SLTM: variants seen among roughly 807,000 people sequenced by gnomAD.
The protein encoded by SLTM is SAFB-like transcription modulator.
SLTM carries 43 observed loss-of-function variants against 134.6 expected under a neutral mutation model. That is an observed-to-expected ratio of 0.32 (90% CI 0.25 to 0.41). SLTM has a LOEUF of 0.41. Ranked by LOEUF, SLTM falls within the 10% of genes least tolerant of loss-of-function variation. SLTM has a pLI of 1.00. For missense variants in SLTM, 1,055 were observed against 1,288.8 expected, an observed-to-expected ratio of 0.82 and a Z score of 2.78; for synonymous variants, 424 against 432.3, an observed-to-expected ratio of 0.98 and a Z score of 0.24.
intron 19 of SLTM, among the ~76,000 whole-genome samples, chr15:58,886,215 AAGAGTGTGT>A (rs1412738452): frequency 7.3e-6 from 1 of 136,936 alleles, no homozygotes; most frequent in Non-Finnish European, 1.5e-5. Flanking sequence ...GGAGAAAAAG[AAGAGTGTGT>A]GTGTGTGTGT....
At chr15:58,889,663 G>T in intron 15 of SLTM, 109 bp from the exon 16 acceptor site, 1 of 1,405,644 alleles carries the variant, frequency 7.1e-7, no homozygotes, top group Non-Finnish European at 9.6e-7. Context: ...CATAAGCAAA[G>T]ACCAGGCAAA....
At chr15:58,912,285 G>C (rs186355281) in intron 5 of SLTM, among the ~76,000 whole-genome samples, 1 of 152,084 alleles carries the variant, frequency 6.6e-6, no homozygotes, top group East Asian at 1.9e-4. Context: ...ATTTTCAGTA[G>C]AGACGGGGTT....
intron 7 of SLTM, 23 bp from the exon 8 acceptor site, chr15:58,898,875 G>C: frequency 6.3e-7 from 1 of 1,590,678 alleles, no homozygotes; most frequent in Non-Finnish European, 8.6e-7. Context: ...ATCACCAGAA[G>C]AAAATTGAAA....
At chr15:58,918,035 C>T (rs2036768161) in intron 2 of SLTM, among the ~76,000 whole-genome samples, 1 of 151,448 alleles carries the variant, frequency 6.6e-6, no homozygotes, top group African/African-American at 2.4e-5. Flanking sequence ...ATTACAGGCA[C>T]TGAGCCATTG....
chr15:58,892,608 T>A (rs1198886387), intron 14 of SLTM, among the ~76,000 whole-genome samples: 1 of 152,164 alleles, frequency 6.6e-6, no homozygotes, highest in Non-Finnish European at 1.5e-5. Context: ...TTGTTAGCCA[T>A]GTGGCCATTG....
At chr15:58,893,477 AACT>A in intron 12 of SLTM, 113 bp from the exon 13 acceptor site, 1 of 722,018 alleles carries the variant, frequency 1.4e-6, no homozygotes, top group Non-Finnish European at 2.2e-6. Flanking sequence ...GAAATAAAAA[AACT>A]ACTTATTCTA....
chr15:58,896,972 C>A, intron 9 of SLTM, 143 bp downstream of exon 9: 1 of 560,446 alleles, frequency 1.8e-6, no homozygotes. Flanking sequence ...TCTACCATTA[C>A]CACAGAACTC....
chr15:58,912,242 GGTGCCC>G (rs1456512106), intron 5 of SLTM, among the ~76,000 whole-genome samples: 1 of 151,874 alleles, frequency 6.6e-6, no homozygotes, highest in African/African-American at 2.4e-5. Context: ...TGTGATTACA[GGTGCCC>G]GCCACCACGC....
In SLTM at chr15:58,889,439, A is replaced by G. The variant is rs1410796741; in HGVS notation, c.2195T>C (p.Val732Ala). The G allele has an allele frequency of 6.2e-7, 1 of 1,613,846 alleles. No homozygotes were observed. The highest frequency in any genetic ancestry group is 8.5e-7 in the Non-Finnish European group (1 of 1,179,832). The change falls in exon 16 of 21, where the codon GTA becomes GCA. Residue 732 changes from valine (V) to alanine (A), a missense_variant. Val to Ala is a moderately conservative substitution (Grantham distance 64). Coordinates refer to ENST00000380516, the MANE Select transcript of SLTM (RefSeq NM_024755.4). Reference sequence around the variant, plus strand: ...TAAAATGAGTAACTACCTATGATCTACATCACGTGGGCGTTTCAAGGAATT... The same window carrying G: ...TAAAATGAGTAACTACCTATGATCTGCATCACGTGGGCGTTTCAAGGAATT... ...KRNSLKRPRD[V>A]DHRRDDPYWS...
At chr15:58,922,767 C>T (rs144199143) in intron 2 of SLTM, among the ~76,000 whole-genome samples, 1,802 of 150,472 alleles carry the variant, frequency 0.012, 42 homozygotes, top group African/African-American at 0.042. Context: ...GGCTGGAGTG[C>T]AGTGGTGTGA....
At position 58,886,993 on chromosome 15, in the gene SLTM, G is replaced by T. The variant is rs1359059768; in HGVS notation, c.2817C>A (p.Asp939Glu). ...CACTTACCTGTGATCCACCTCCTCG[G>T]TCTGTGATGACTCCTCTGTCTCCCT... ...SREGDRGVITDRGGGSQHYPE... is the reference protein window; with the variant it reads ...SREGDRGVITERGGGSQHYPE... Residue 939 changes from aspartate to glutamate, a missense_variant, in exon 19 of 21, where the codon GAC becomes GAA. By Grantham distance (45) the Asp-to-Glu change is conservative. Around this residue, in one of 3 missense-constraint regions of SLTM, gnomAD observed 776 missense variants for 962.2 expected, o/e 0.81. Coordinates refer to ENST00000380516, the MANE Select transcript of SLTM (RefSeq NM_024755.4). The T allele has an allele frequency of 3.7e-6, 6 of 1,612,432 alleles. No homozygotes were observed. The African/African-American group carries it at 8.0e-5, about 22-fold the overall frequency.
chr15:58,886,886 C>T (rs1471906633), intron 19 of SLTM, 89 bp downstream of exon 19: 5 of 1,494,744 alleles, frequency 3.3e-6, no homozygotes, highest in East Asian at 4.5e-5. Context: ...ATCTAAGCCA[C>T]ATCAAAATGC....
chr15:58,900,009 T>A, intron 6 of SLTM, 72 bp from the exon 7 acceptor site: 1 of 1,208,776 alleles, frequency 8.3e-7, no homozygotes, highest in South Asian at 1.5e-5. Flanking sequence ...TAAGCTAGAA[T>A]AGGACCTAGA....
chr15:58,888,637 A>G (rs1421735570), intron 16 of SLTM, 82 bp from the exon 17 acceptor site: 12 of 1,367,916 alleles, frequency 8.8e-6, no homozygotes, highest in Non-Finnish European at 1.2e-5. Flanking sequence ...TACATACCAC[A>G]TGTTAGAACT....
At chr15:58,909,739 A>G (rs1475152413) in intron 5 of SLTM, among the ~76,000 whole-genome samples, 6 of 152,210 alleles carry the variant, frequency 3.9e-5, no homozygotes, top group Non-Finnish European at 8.8e-5. Flanking sequence ...AGATGCTACA[A>G]CCACCTTAAC....
intron 5 of SLTM, among the ~76,000 whole-genome samples, chr15:58,909,200 G>T (rs2036084324): frequency 6.6e-6 from 1 of 152,144 alleles, no homozygotes; most frequent in African/African-American, 2.4e-5. Context: ...AGTCTACTAG[G>T]ATCATGTTGA....
At chr15:58,891,390 A>G (rs1260320118) in intron 14 of SLTM, among the ~76,000 whole-genome samples, 1 of 152,212 alleles carries the variant, frequency 6.6e-6, no homozygotes, top group Non-Finnish European at 1.5e-5. Context: ...AGCAAAAATA[A>G]TATGTCAGTC....
chr15:58,917,765 C>A (rs1313934881), intron 2 of SLTM, among the ~76,000 whole-genome samples: 1 of 151,846 alleles, frequency 6.6e-6, no homozygotes, highest in Non-Finnish European at 1.5e-5. Context: ...TTTATTTATT[C>A]TTGAGACAGA....
chr15:58,889,581 A>G, intron 15 of SLTM, 27 bp from the exon 16 acceptor site: 3 of 1,611,826 alleles, frequency 1.9e-6, no homozygotes, highest in Non-Finnish European at 2.5e-6. Flanking sequence ...ATGAAGAACC[A>G]ACCAAGGCAA....
Sources: gnomAD v4.1 joint callset for allele counts (sites outside exome capture counted in the v4.1 genomes callset) on GRCh38, gnomAD v4.1.1 for gene constraint, gnomAD v4.1.1 regional missense constraint, MANE v1.5 for transcripts, NCBI Gene and HGNC (gene_info 2026-07-23, HGNC 2026-07-21) for gene names.